MYO5B: variants seen among roughly 807,000 people sequenced by gnomAD.
MYO5B encodes myosin VB.
In MYO5B, 143 loss-of-function variants were observed where a neutral mutation model predicts 229.3. The ratio of observed to expected loss-of-function variants is 0.62; its 90% CI spans 0.54 to 0.72. MYO5B has a LOEUF of 0.72. Ranked by LOEUF, MYO5B falls within the 30% of genes least tolerant of loss-of-function variation. The pLI is 0.00. For missense variants in MYO5B, 2,321 were observed against 2,331.0 expected (o/e 1.00, Z 0.09); for synonymous variants, 918 against 885.2 (o/e 1.04, Z -0.66).
intron 1 of MYO5B, among the ~76,000 whole-genome samples, chr18:50,084,700 T>C (rs1731093651): frequency 6.6e-6 from 1 of 152,172 alleles, no homozygotes; most frequent in African/African-American, 2.4e-5. Context: ...AGCATGGTAC[T>C]GGTACCAAAA....
In MYO5B at chr18:49,984,777, A is replaced by T. The variant is rs1237306047; in HGVS notation, c.887T>A (p.Ile296Asn). ...GTCCTCAGCATCGTCCACACCCTCG[A>T]TGGAAGTGTCTCCTCCCTGTGATGT... is the stretch of plus-strand genomic sequence containing the variant. ...FYTSQGGDTSIEGVDDAEDFE... is the reference protein window; with the variant it reads ...FYTSQGGDTSNEGVDDAEDFE... The change falls in exon 8 of 40, where the codon ATC (isoleucine) becomes AAC (asparagine). Residue 296 changes from isoleucine to asparagine, a missense_variant. Transcript: ENST00000285039. 2 of 1,613,872 alleles carry T rather than the reference A, an allele frequency of 1.2e-6. No individual in the cohort carries two copies. Among genetic ancestry groups the T allele is most frequent in the Non-Finnish European group, 1.7e-6 (2 of 1,179,894 alleles).
intron 16 of MYO5B, among the ~76,000 whole-genome samples, chr18:49,934,858 A>G (rs1261684950): frequency 1.3e-5 from 2 of 152,248 alleles, no homozygotes; most frequent in Non-Finnish European, 2.9e-5. Flanking sequence ...AAGGCAGTTC[A>G]GATATTCAGT....
At chr18:50,117,410 A>G (rs2031982468) in intron 1 of MYO5B, among the ~76,000 whole-genome samples, 2 of 152,172 alleles carry the variant, frequency 1.3e-5, no homozygotes, top group South Asian at 4.1e-4. Context: ...AGCCCCATGA[A>G]CAGATGAGGG....
chr18:50,058,811 G>A (rs1032165159), intron 1 of MYO5B, among the ~76,000 whole-genome samples: 7 of 151,780 alleles, frequency 4.6e-5, no homozygotes, highest in African/African-American at 9.7e-5. Flanking sequence ...ACTCTGTCTC[G>A]GAGAAAAAAA....
At chr18:49,990,047 CTA>C (rs1443244835) in intron 7 of MYO5B, among the ~76,000 whole-genome samples, 1 of 152,222 alleles carries the variant, frequency 6.6e-6, no homozygotes, top group African/African-American at 2.4e-5. Context: ...CAATCCTAAA[CTA>C]TGAGTTAAAA....
chr18:49,949,335 A>G (rs1229106554), intron 14 of MYO5B, among the ~76,000 whole-genome samples: 2 of 93,276 alleles, frequency 2.1e-5, no homozygotes, highest in East Asian at 2.4e-4. Flanking sequence ...AAACTGGAAA[A>G]AAAAAAAAAG....
chr18:50,182,315 C>T (rs1599084353), intron 1 of MYO5B, among the ~76,000 whole-genome samples: 1 of 152,176 alleles, frequency 6.6e-6, no homozygotes, highest in Non-Finnish European at 1.5e-5. Flanking sequence ...TCCATACATG[C>T]CCCCACCTCA....
chr18:49,995,423 T>A (rs997260844), intron 5 of MYO5B, among the ~76,000 whole-genome samples: 1 of 43,744 alleles, frequency 2.3e-5, no homozygotes, highest in African/African-American at 3.9e-5. Context: ...CCTGGATAAT[T>A]TTTTTTGTAT....
At chr18:50,031,791 C>T (rs542652207) in intron 4 of MYO5B, among the ~76,000 whole-genome samples, 1 of 152,292 alleles carries the variant, frequency 6.6e-6, no homozygotes, top group East Asian at 1.9e-4. Flanking sequence ...CTCCATTGCC[C>T]TATGCATTTC....
intron 39 of MYO5B, among the ~76,000 whole-genome samples, chr18:49,834,364 A>C (rs1264275712): frequency 2.0e-5 from 3 of 152,126 alleles, no homozygotes; most frequent in African/African-American, 7.2e-5. Context: ...GGTCATTTAA[A>C]AGTTTGAGGG....
At chr18:50,127,166 T>A (rs1346696933) in intron 1 of MYO5B, among the ~76,000 whole-genome samples, 1 of 152,178 alleles carries the variant, frequency 6.6e-6, no homozygotes, top group African/African-American at 2.4e-5. Flanking sequence ...AGCCCCCTAC[T>A]CTTCCCACCA....
intron 14 of MYO5B, among the ~76,000 whole-genome samples, chr18:49,942,623 A>C (rs1351728363): frequency 6.6e-6 from 1 of 152,068 alleles, no homozygotes; most frequent in Non-Finnish European, 1.5e-5. Context: ...AATGCTCATC[A>C]TCACTGGCCA....
intron 19 of MYO5B, among the ~76,000 whole-genome samples, chr18:49,905,793 G>A (rs1390230769): frequency 2.0e-5 from 3 of 152,180 alleles, no homozygotes; most frequent in African/African-American, 7.2e-5. Context: ...CACTCCTGCT[G>A]CTGTAGTGCC....
At chr18:49,923,501 C>G (rs555508665) in intron 17 of MYO5B, among the ~76,000 whole-genome samples, 50 of 152,302 alleles carry the variant, frequency 3.3e-4, no homozygotes, top group South Asian at 6.2e-4. Flanking sequence ...CCCTCTAAAA[C>G]CGACCATTTT....
intron 5 of MYO5B, among the ~76,000 whole-genome samples, chr18:49,998,630 T>C (rs1017691440): frequency 1.3e-5 from 2 of 152,074 alleles, no homozygotes; most frequent in African/African-American, 4.8e-5. Flanking sequence ...ACCCAAAAGG[T>C]AGAAGAATAA....
chr18:50,138,848 C>T (rs1272221764), intron 1 of MYO5B, among the ~76,000 whole-genome samples: 1 of 152,192 alleles, frequency 6.6e-6, no homozygotes, highest in African/African-American at 2.4e-5. Flanking sequence ...AGCCATCCTG[C>T]CTCAGCCTGG....
At chr18:50,031,677 T>C (rs184875686) in intron 4 of MYO5B, among the ~76,000 whole-genome samples, 75 of 152,296 alleles carry the variant, frequency 4.9e-4, no homozygotes, top group African/African-American at 1.8e-3. Flanking sequence ...TGTACAGGAA[T>C]ATGGAGAAGA....
intron 14 of MYO5B, chr18:49,946,252 A>C: frequency 6.6e-6 from 1 of 152,176 alleles, no homozygotes; most frequent in East Asian, 1.9e-4. Context: ...CTGGTTGAGC[A>C]TCCCTAATCT....
chr18:49,875,197 C>T (rs4939599), intron 26 of MYO5B, among the ~76,000 whole-genome samples: 36,549 of 151,964 alleles, frequency 0.24, 4,530 homozygotes, highest in East Asian at 0.42. Context: ...CTTTCTAGAC[C>T]CAAGAGGCTG....
Sources: gnomAD v4.1 joint callset for allele counts (sites outside exome capture counted in the v4.1 genomes callset) on GRCh38, gnomAD v4.1.1 for gene constraint, MANE v1.5 for transcripts, NCBI Gene and HGNC (gene_info 2026-07-23, HGNC 2026-07-21) for gene names.